Variants in ADAM32 observed in about 807,000 individuals in gnomAD.
ADAM32 encodes ADAM metallopeptidase domain 32.
A neutral mutation model predicts 114.9 loss-of-function variants in ADAM32; 89 were observed. The ratio of observed to expected loss-of-function variants is 0.77; its 90% CI spans 0.65 to 0.92. The LOEUF (loss-of-function observed/expected upper bound fraction) is 0.92. Ranked by LOEUF, ADAM32 falls within the 40% of genes least tolerant of loss-of-function variation. ADAM32 has a pLI of 0.00. For missense variants in ADAM32, 870 were observed against 932.8 expected (o/e 0.93, Z 0.88); for synonymous variants, 285 against 307.5 (o/e 0.93, Z 0.77).
intron 3 of ADAM32, among the ~76,000 whole-genome samples, chr8:39,145,230 C>A (rs1221025767): frequency 6.6e-6 from 1 of 151,998 alleles, no homozygotes; most frequent in Non-Finnish European, 1.5e-5. Context: ...CCATACTGTC[C>A]AAATTGATAC....
chr8:39,154,792 G>A (rs1402885965), intron 6 of ADAM32, among the ~76,000 whole-genome samples: 1 of 151,922 alleles, frequency 6.6e-6, no homozygotes, highest in Non-Finnish European at 1.5e-5. Context: ...TAATGACCAG[G>A]GATGATGAGC....
At chr8:39,250,520 G>A (rs373780536) in intron 17 of ADAM32, among the ~76,000 whole-genome samples, 1 of 151,860 alleles carries the variant, frequency 6.6e-6, no homozygotes, top group Non-Finnish European at 1.5e-5. Context: ...AGCATATGAA[G>A]TATAATTGTT....
At chr8:39,187,930 T>C (rs570191440) in intron 11 of ADAM32, among the ~76,000 whole-genome samples, 4 of 152,326 alleles carry the variant, frequency 2.6e-5, no homozygotes, top group African/African-American at 9.6e-5. Flanking sequence ...TCTAAACTTA[T>C]TAATCTTCCC....
intron 10 of ADAM32, among the ~76,000 whole-genome samples, chr8:39,181,147 C>G (rs962277422): frequency 6.6e-6 from 1 of 152,242 alleles, no homozygotes; most frequent in Non-Finnish European, 1.5e-5. Context: ...CTTTTCCACA[C>G]TGTGGAAGCT....
chr8:39,204,518 A>C (rs1807679186), intron 11 of ADAM32, among the ~76,000 whole-genome samples: 1 of 152,300 alleles, frequency 6.6e-6, no homozygotes, highest in Middle Eastern at 3.4e-3. Flanking sequence ...TGGTTATTCT[A>C]GTTAGCCATT....
At chr8:39,201,048 C>T (rs1250208753) in intron 11 of ADAM32, among the ~76,000 whole-genome samples, 1 of 152,144 alleles carries the variant, frequency 6.6e-6, no homozygotes, top group Non-Finnish European at 1.5e-5. Flanking sequence ...AGTTTGAAGT[C>T]AGGTAGCGTG....
chr8:39,244,145 A>G (rs1181125851), intron 16 of ADAM32, among the ~76,000 whole-genome samples: 1 of 152,208 alleles, frequency 6.6e-6, no homozygotes, highest in Non-Finnish European at 1.5e-5. Context: ...AACACATACC[A>G]TGCTCATGGA....
At chr8:39,179,907 A>G (rs993765117) in intron 10 of ADAM32, among the ~76,000 whole-genome samples, 3 of 152,264 alleles carry the variant, frequency 2.0e-5, no homozygotes, top group African/African-American at 7.2e-5. Flanking sequence ...ACCCGCTTCA[A>G]TGAAAACACT....
At chr8:39,205,965 G>A (rs1807802599) in intron 11 of ADAM32, among the ~76,000 whole-genome samples, 1 of 151,896 alleles carries the variant, frequency 6.6e-6, no homozygotes. Flanking sequence ...ATATTTTTGT[G>A]TCTTTACATT....
At chr8:39,277,605 G>C (rs1036128875) in intron 22 of ADAM32, among the ~76,000 whole-genome samples, 1 of 152,184 alleles carries the variant, frequency 6.6e-6, no homozygotes, top group Admixed American at 6.5e-5. Context: ...GGTGGGAGCT[G>C]CTAGAGTGCA....
At chr8:39,277,600 G>A (rs1340836681) in intron 22 of ADAM32, among the ~76,000 whole-genome samples, 2 of 152,188 alleles carry the variant, frequency 1.3e-5, no homozygotes, top group South Asian at 2.1e-4. Flanking sequence ...AACGAGGTGG[G>A]AGCTGCTAGA....
chr8:39,158,530 C>A (rs1044188873), intron 6 of ADAM32: 2 of 334,412 alleles, frequency 6.0e-6, no homozygotes, highest in African/African-American at 4.5e-5. Context: ...GGCCAGCTTC[C>A]CACACGATGT....
At chr8:39,233,007 G>A (rs1809849966) in intron 15 of ADAM32, among the ~76,000 whole-genome samples, 1 of 152,136 alleles carries the variant, frequency 6.6e-6, no homozygotes, top group Non-Finnish European at 1.5e-5. Context: ...AAATGCTGTA[G>A]TGAATTGATT....
intron 14 of ADAM32, among the ~76,000 whole-genome samples, chr8:39,225,027 T>A (rs1158932329): frequency 6.6e-6 from 1 of 152,204 alleles, no homozygotes; most frequent in East Asian, 1.9e-4. Flanking sequence ...CAGAGGCGTC[T>A]TTTATCACTG....
At chr8:39,179,449 G>A (rs557790810) in intron 10 of ADAM32, among the ~76,000 whole-genome samples, 1 of 152,188 alleles carries the variant, frequency 6.6e-6, no homozygotes, top group Non-Finnish European at 1.5e-5. Flanking sequence ...ATGCATGAAT[G>A]GATCTCCCGC....
rs191484302 is a variant in ADAM32, at chr8:39,256,347, A to G, written c.2006-840A>G. ...AACAAATGACATTTTCTCTGTGTCT[A>G]GTACTGTTACTGTGTTTCTGTTACA... On this transcript the variant is annotated intron_variant, in intron 18 of 24. Coordinates refer to ENST00000379907, the MANE Select transcript of ADAM32 (RefSeq NM_145004.7). Among the ~76,000 whole-genome samples the G allele has an allele frequency of 1.5e-3, 233 of 152,106 alleles. 1 individual carries two copies. The highest frequency in any genetic ancestry group is 5.3e-3 in the African/African-American group (221 of 41,542).
chr8:39,144,048 C>T (rs1467988438), intron 3 of ADAM32, among the ~76,000 whole-genome samples: 5 of 152,240 alleles, frequency 3.3e-5, no homozygotes, highest in Non-Finnish European at 5.9e-5. Context: ...AGGGTATCTC[C>T]TGGTCTGCTG....
intron 10 of ADAM32, among the ~76,000 whole-genome samples, chr8:39,172,787 G>T (rs925424825): frequency 5.9e-5 from 9 of 152,128 alleles, no homozygotes; most frequent in African/African-American, 2.2e-4. Context: ...ATTGTGACTA[G>T]TGCTGCAATG....
chr8:39,208,384 T>G (rs1807988709), intron 11 of ADAM32, among the ~76,000 whole-genome samples: 1 of 152,160 alleles, frequency 6.6e-6, no homozygotes, highest in Non-Finnish European at 1.5e-5. Flanking sequence ...TCTTAAAAAT[T>G]GTTGTAGTTA....
Sources: gnomAD v4.1 joint callset for allele counts (sites outside exome capture counted in the v4.1 genomes callset) on GRCh38, gnomAD v4.1.1 for gene constraint, MANE v1.5 for transcripts, NCBI Gene and HGNC (gene_info 2026-07-23, HGNC 2026-07-21) for gene names.